CD1A: variants seen among roughly 807,000 people sequenced by gnomAD.
CD1A encodes the protein T-cell surface glycoprotein CD1a.
CD1A carries 50 observed loss-of-function variants against 38.3 expected under a neutral mutation model. The observed-to-expected ratio is 1.30, with a 90% CI of 1.04 to 1.65. CD1A has a LOEUF of 1.65. Among genes scored for constraint, CD1A ranks in the 40% most tolerant of loss-of-function variants. The probability of loss-of-function intolerance (pLI) is 0.00; values close to 1 mark genes in which losing one functional copy is unlikely to be tolerated. For synonymous variants in CD1A, 160 were observed against 150.8 expected, an observed-to-expected ratio of 1.06 and a Z score of -0.45; for missense variants, 459 against 406.1, an observed-to-expected ratio of 1.13 and a Z score of -1.12.
rs769944278 is a variant in CD1A at position 158,256,058 on chromosome 1, C to T, written c.380C>T (p.Ser127Leu). The change falls in exon 3 of 6, where the codon TCA (serine) becomes TTA (leucine). Residue 127 changes from serine to leucine, a missense_variant. By Grantham distance (145) the Ser-to-Leu change is moderately radical (BLOSUM62 -2). Transcript: ENST00000289429. ...TGTGAGCTGCACTCTGGAAAGGTCT[C>T]AGGAAGCTTCTTGCAGTTAGCTTAT... ...GGCELHSGKV[S>L]GSFLQLAYQG... 9 of 1,614,138 alleles carry T rather than the reference C, an allele frequency of 5.6e-6. No homozygotes were observed. The South Asian group carries it at 9.9e-5, about 18-fold the overall frequency.
chr1:158,251,705 C>T (rs1650093056), upstream of CD1A, among the ~76,000 whole-genome samples: 1 of 152,106 alleles, frequency 6.6e-6, no homozygotes, highest in Admixed American at 6.5e-5. Context: ...GTAAGTGTTC[C>T]TGCCTTTCTT....
intron 4 of CD1A, among the ~76,000 whole-genome samples, 175 bp from the exon 5 acceptor site, chr1:158,257,246 T>C (rs1650291233): frequency 6.6e-6 from 1 of 152,006 alleles, no homozygotes; most frequent in African/African-American, 2.4e-5. Context: ...ATGCTGAGGG[T>C]TAACTGAAGA....
Position 158,257,456 on chromosome 1 carries a change from G to A in CD1A, c.919G>A (p.Val307Met), listed in dbSNP as rs530156697. The A allele has an allele frequency of 8.7e-6, 14 of 1,614,140 alleles. No individual in the cohort carries two copies. In the African/African-American group the frequency reaches 1.2e-4, roughly 14 times the overall value. ...HSSVGFIILA[V>M]IVPLLLLIGL... ...TTCCGTGGGCTTCATCATCTTGGCGGTGATAGTGCCTTTACTTCTTCTGAT... is the reference window on the plus strand; with the variant it reads ...TTCCGTGGGCTTCATCATCTTGGCGATGATAGTGCCTTTACTTCTTCTGAT... The change falls in exon 5 of 6, where the codon GTG (valine) becomes ATG (methionine). Residue 307 changes from valine to methionine, a missense_variant. Val to Met is a conservative substitution (Grantham distance 21). Transcript: ENST00000289429.
In CD1A at chr1:158,254,565, G is replaced by C; in HGVS notation, c.-105G>C. ...TGCAGTCAGGGGAGGTTTGTCTGTT[G>C]GCTGCAGAAAGAAGTCAGAATAGAG... On this transcript the variant is annotated 5_prime_UTR_variant, in exon 1 of 6. Transcript: ENST00000289429. 1 of 1,586,282 alleles carries C rather than the reference G, an allele frequency of 6.3e-7. No homozygotes were observed. Among genetic ancestry groups the C allele is most frequent in the East Asian group, 2.3e-5 (1 of 44,284 alleles).
At chr1:158,257,138 A>C in intron 4 of CD1A, 74 bp downstream of exon 4, 1 of 1,517,788 alleles carries the variant, frequency 6.6e-7, no homozygotes, top group Non-Finnish European at 8.8e-7. Flanking sequence ...GCAAGCTGAA[A>C]ATTTTAGGAT....
rs6699561 is a variant in CD1A, at chr1:158,254,785, C to G, written c.58+58C>G. 6,058 of 678,490 alleles carry G rather than the reference C, an allele frequency of 8.9e-3. 4 individuals are homozygous for G. The highest frequency in any genetic ancestry group is 0.012 in the Non-Finnish European group (4,811 of 393,470). 42.0% of individuals were successfully genotyped at this position (678,490 alleles called of 1,614,324 possible). A position where few individuals can be genotyped will look rare whatever the true frequency, so the allele number is the denominator to read the frequency against. Reference sequence around the variant, plus strand: ...TGGGTGAAGGTCTCTCTCTCTCTCTCTGTGTGTGTGTGTGTGTGTGTGTGT... The same window carrying G: ...TGGGTGAAGGTCTCTCTCTCTCTCTGTGTGTGTGTGTGTGTGTGTGTGTGT... On this transcript the variant is annotated intron_variant, in intron 1 of 5. Coordinates refer to ENST00000289429, the MANE Select transcript of CD1A (RefSeq NM_001763.3).
chr1:158,256,003 G>C lies in CD1A; in HGVS notation c.326-1G>C. 3.7e-6 allele frequency: 6 copies of C among 1,611,650 alleles called. No homozygotes were observed. Among genetic ancestry groups the C allele is most frequent in the Non-Finnish European group, 5.1e-6 (6 of 1,178,308 alleles). On this transcript the variant is annotated splice_acceptor_variant, in intron 2 of 5. Transcript: ENST00000289429. LOFTEE classifies it high-confidence loss of function. ...CTCTTTCCTCTATTTCATAACCCCA[G>C]ATCCTTTTGAGATACAGGTGACAGG...
intron 2 of CD1A, 56 bp from the exon 3 acceptor site, chr1:158,255,948 C>A (rs937430092): frequency 2.6e-6 from 4 of 1,512,930 alleles, no homozygotes; most frequent in Non-Finnish European, 3.6e-6. Context: ...ATCTTTGCTT[C>A]TACTCATTTC....
chr1:158,254,783 CTCTGTGTGTGTGTGTGTGTGTG>C (rs1650186869), intron 1 of CD1A, 56 bp downstream of exon 1: 29 of 917,572 alleles, frequency 3.2e-5, no homozygotes, highest in Non-Finnish European at 3.9e-5. Flanking sequence ...CTCTCTCTCT[CTCTGTGTGTGTGTGTGTGTGTG>C]TGTGTGTGTG....
At chr1:158,257,382 A>G (rs765987447) in intron 4 of CD1A, 39 bp from the exon 5 acceptor site, 18 of 1,476,298 alleles carry the variant, frequency 1.2e-5, no homozygotes, top group Non-Finnish European at 1.7e-5. Flanking sequence ...GTAAAATGGG[A>G]TGGATTATAA....
At chr1:158,254,986 T>A in intron 1 of CD1A, 98 bp from the exon 2 acceptor site, 1 of 1,252,100 alleles carries the variant, frequency 8.0e-7, no homozygotes, top group Non-Finnish European at 1.1e-6. Flanking sequence ...ATGGATCCCC[T>A]TTTCTCCAGA....
At chr1:158,256,391 G>C in intron 3 of CD1A, 109 bp downstream of exon 3, 1 of 1,086,236 alleles carries the variant, frequency 9.2e-7, no homozygotes, top group Non-Finnish European at 1.3e-6. Flanking sequence ...GGGAAAGGCT[G>C]GGTGCAGTGC....
chr1:158,252,805 G>A (rs1232051991), upstream of CD1A, among the ~76,000 whole-genome samples: 2 of 152,130 alleles, frequency 1.3e-5, no homozygotes, highest in African/African-American at 4.8e-5. Context: ...AACCGAGGCA[G>A]GACAATTGCT....
chr1:158,254,300 CTG>C, upstream of CD1A: 1 of 1,122,718 alleles, frequency 8.9e-7, no homozygotes, highest in Non-Finnish European at 1.1e-6. Flanking sequence ...GGGCAGCACA[CTG>C]GGAGCCATTT....
chr1:158,256,641 C>T (rs1650265162), intron 3 of CD1A, 145 bp from the exon 4 acceptor site: 4 of 912,812 alleles, frequency 4.4e-6, no homozygotes, highest in Non-Finnish European at 6.5e-6. Flanking sequence ...TATGCCACTG[C>T]ATTGCAGCAT....
Position 158,254,855 on chromosome 1 carries a change from A to C in CD1A, c.58+128A>C, listed in dbSNP as rs1650192361. Reference sequence around the variant, plus strand: ...TGTGGTTTCCCTAGCATATACCTGGAAAGTGAGAGTGCCAGGCTGGTTCCA... The same window carrying C: ...TGTGGTTTCCCTAGCATATACCTGGCAAGTGAGAGTGCCAGGCTGGTTCCA... On this transcript the variant is annotated intron_variant, in intron 1 of 5. Transcript: ENST00000289429. 12 of 919,894 alleles carry C rather than the reference A, an allele frequency of 1.3e-5. No homozygotes were observed. The South Asian group carries it at 1.5e-4, about 12-fold the overall frequency. The allele number at this position is 919,894 out of a possible 1,614,324, so 57.0% of individuals were successfully genotyped here. A position where few individuals can be genotyped will look rare whatever the true frequency, so the allele number is the denominator to read the frequency against.
At chr1:158,257,183 G>A (rs1650289024) in intron 4 of CD1A, 119 bp downstream of exon 4, 1 of 1,296,980 alleles carries the variant, frequency 7.7e-7, no homozygotes, top group African/African-American at 1.5e-5. Flanking sequence ...AATAAAAATA[G>A]ATAATCTAAG....
chr1:158,249,445 C>G (rs1405021285), upstream of CD1A, among the ~76,000 whole-genome samples: 1 of 152,072 alleles, frequency 6.6e-6, no homozygotes, highest in African/African-American at 2.4e-5. Context: ...TCTCTTGGGT[C>G]TCTTATAAGG....
chr1:158,254,418 G>A, upstream of CD1A: 1 of 1,332,814 alleles, frequency 7.5e-7, no homozygotes, highest in Admixed American at 3.2e-5. Flanking sequence ...TTAGGGGAAG[G>A]TGAATAAGTT....
Sources: allele counts gnomAD v4.1 joint callset (sites outside exome capture counted in the v4.1 genomes callset), GRCh38; gene constraint gnomAD v4.1.1; transcripts MANE v1.5; gene names NCBI Gene and HGNC (gene_info 2026-07-23, HGNC 2026-07-21).